The following CNTN5 variants were observed in gnomAD, a reference collection of about 807,000 sequenced individuals.
The protein encoded by CNTN5 is contactin 5, also known as contactin-5.
Under a neutral mutation model 129.1 loss-of-function variants are expected in CNTN5, and 77 were observed. The ratio of observed to expected loss-of-function variants is 0.60; its 90% CI spans 0.50 to 0.72. The LOEUF (loss-of-function observed/expected upper bound fraction) is 0.72, where lower values mean the gene tolerates loss of function less well. CNTN5 is among the 30% of genes least tolerant of loss of function. The pLI is 0.00. For synonymous variants in CNTN5, 509 were observed against 465.6 expected (o/e 1.09, Z -1.20); for missense variants, 1,478 against 1,328.8 (o/e 1.11, Z -1.75).
intron 7 of CNTN5, among the ~76,000 whole-genome samples, chr11:99,941,490 A>C (rs72992869): frequency 0.018 from 2,718 of 151,846 alleles, 34 homozygotes; most frequent in Middle Eastern, 0.041. Flanking sequence ...CAAAGCAGAT[A>C]AAACATAGTC....
In CNTN5 at chr11:99,594,417, G is replaced by C. The variant is rs528744115; in HGVS notation, c.55+38148G>C. On this transcript the variant is annotated intron_variant, in intron 3 of 24. Coordinates refer to ENST00000524871, the MANE Select transcript of CNTN5 (RefSeq NM_014361.4). Reference sequence around the variant, plus strand: ...GGACAAAGCTTGCACTCAGAAGGTAGTCTTGGTCTGTTTCTTTGCGTTTAG... The same window carrying C: ...GGACAAAGCTTGCACTCAGAAGGTACTCTTGGTCTGTTTCTTTGCGTTTAG... 2.0e-5 allele frequency among the ~76,000 whole-genome samples: 3 copies of C among 152,260 alleles called. No individual in the cohort carries two copies. In the South Asian group the frequency reaches 6.2e-4, roughly 32 times the overall value.
intron 2 of CNTN5, among the ~76,000 whole-genome samples, chr11:99,526,338 G>A (rs1242205973): frequency 6.6e-6 from 1 of 152,192 alleles, no homozygotes; most frequent in Non-Finnish European, 1.5e-5. Flanking sequence ...GGTCTCCTTT[G>A]ATACTTAGAA....
At chr11:99,907,676 G>A (rs1208160531) in intron 6 of CNTN5, among the ~76,000 whole-genome samples, 4 of 151,786 alleles carry the variant, frequency 2.6e-5, no homozygotes, top group African/African-American at 9.7e-5. Flanking sequence ...GTCTTCTAAT[G>A]TATAATTTAA....
At chr11:99,531,676 C>CCGTGG (rs1947711912) in intron 2 of CNTN5, among the ~76,000 whole-genome samples, 1 of 152,196 alleles carries the variant, frequency 6.6e-6, no homozygotes, top group Non-Finnish European at 1.5e-5. Flanking sequence ...ACCGTTCCAG[C>CCGTGG]CGTGGCTGAA....
chr11:99,807,209 A>G (rs1291557670), intron 3 of CNTN5, among the ~76,000 whole-genome samples: 1 of 152,206 alleles, frequency 6.6e-6, no homozygotes, highest in Non-Finnish European at 1.5e-5. Flanking sequence ...AAAATAACAT[A>G]AAGAAAATAT....
chr11:99,157,844 G>C (rs1860409904), intron 1 of CNTN5, among the ~76,000 whole-genome samples: 1 of 152,168 alleles, frequency 6.6e-6, no homozygotes, highest in South Asian at 2.1e-4. Flanking sequence ...AATTCTTGCA[G>C]TAGCAAGGCA....
At chr11:100,116,787 G>A (rs1336511821) in intron 13 of CNTN5, among the ~76,000 whole-genome samples, 2 of 151,652 alleles carry the variant, frequency 1.3e-5, no homozygotes, top group Admixed American at 6.6e-5. Context: ...CTTCTTACAA[G>A]TTTGAATTGT....
chr11:99,666,603 C>A (rs1023279581), intron 3 of CNTN5, among the ~76,000 whole-genome samples: 16 of 152,160 alleles, frequency 1.1e-4, no homozygotes. Flanking sequence ...TTGACAAGCT[C>A]CGAAACAGTC....
At chr11:99,923,490 A>G (rs896313820) in intron 7 of CNTN5, among the ~76,000 whole-genome samples, 1 of 152,196 alleles carries the variant, frequency 6.6e-6, no homozygotes, top group African/African-American at 2.4e-5. Context: ...TACATAAATA[A>G]GTCATTTATT....
intron 1 of CNTN5, among the ~76,000 whole-genome samples, chr11:99,063,067 G>T (rs1864952751): frequency 6.6e-6 from 1 of 152,220 alleles, no homozygotes; most frequent in Admixed American, 6.5e-5. Flanking sequence ...TCCAAGTAAA[G>T]GTATTATTGA....
intron 13 of CNTN5, among the ~76,000 whole-genome samples, chr11:100,179,810 A>G (rs1948081810): frequency 1.3e-5 from 2 of 152,160 alleles, no homozygotes; most frequent in African/African-American, 4.8e-5. Flanking sequence ...AAGGAAATTT[A>G]TATTTTATAA....
At chr11:99,625,648 A>C (rs1951098722) in intron 3 of CNTN5, among the ~76,000 whole-genome samples, 1 of 152,114 alleles carries the variant, frequency 6.6e-6, no homozygotes, top group Non-Finnish European at 1.5e-5. Flanking sequence ...AACAGCTATT[A>C]ATAATAAATG....
chr11:99,237,726 A>G (rs1254354289), intron 1 of CNTN5, among the ~76,000 whole-genome samples: 1 of 152,236 alleles, frequency 6.6e-6, no homozygotes, highest in African/African-American at 2.4e-5. Flanking sequence ...TATGTGCCAG[A>G]TACTTCAATC....
intron 6 of CNTN5, among the ~76,000 whole-genome samples, chr11:99,915,666 G>GTCCC (rs1393450690): frequency 1.4e-4 from 22 of 152,162 alleles, no homozygotes; most frequent in African/African-American, 5.3e-4. Context: ...AAGCCGGTGG[G>GTCCC]ACACCAAGTC....
At chr11:99,331,951 G>T (rs146730572) in intron 2 of CNTN5, among the ~76,000 whole-genome samples, 154 of 152,166 alleles carry the variant, frequency 1.0e-3, no homozygotes, top group African/African-American at 3.7e-3. Context: ...AATAAAAAGA[G>T]AGACGTGGAA....
intron 13 of CNTN5, among the ~76,000 whole-genome samples, chr11:100,152,901 G>A (rs1194296776): frequency 6.6e-6 from 1 of 151,982 alleles, no homozygotes; most frequent in South Asian, 2.1e-4. Context: ...TTAAGGGTGA[G>A]AGCCAGGATC....
chr11:99,737,144 AAC>A lies in CNTN5; in HGVS notation c.56-82383_56-82382del, dbSNP rs138644247. Among the ~76,000 whole-genome samples, 701 of 142,966 alleles carry A rather than the reference AAC, an allele frequency of 4.9e-3. 5 individuals carry two copies. Among genetic ancestry groups the A allele is most frequent in the African/African-American group, 0.017 (602 of 35,628 alleles). The allele number at this position is 142,966 out of a possible 152,430, so 93.8% of individuals were successfully genotyped here. On this transcript the variant is annotated intron_variant, in intron 3 of 24. Coordinates refer to ENST00000524871, the MANE Select transcript of CNTN5 (RefSeq NM_014361.4). ...TGTAACACACATGCACACACACACA[AAC>A]ACACACACACACACACGCACACGCA...
At chr11:99,820,256 A>G (rs1317748604) in intron 4 of CNTN5, among the ~76,000 whole-genome samples, 4 of 152,294 alleles carry the variant, frequency 2.6e-5, no homozygotes, top group Admixed American at 1.3e-4. Context: ...TCGTAGAATG[A>G]AAGTAAAAAT....
At chr11:99,991,413 G>T (rs1485834555) in intron 8 of CNTN5, among the ~76,000 whole-genome samples, 1 of 152,154 alleles carries the variant, frequency 6.6e-6, no homozygotes, top group African/African-American at 2.4e-5. Context: ...CTTGCAGTGA[G>T]CCGAGATTGC....
Sources: allele counts gnomAD v4.1 joint callset (sites outside exome capture counted in the v4.1 genomes callset), GRCh38; gene constraint gnomAD v4.1.1; transcripts MANE v1.5; gene names NCBI Gene and HGNC (gene_info 2026-07-23, HGNC 2026-07-21).